ADAMTS17: variants seen among roughly 807,000 people sequenced by gnomAD.
ADAMTS17 encodes the protein A disintegrin and metalloproteinase with thrombospondin motifs 17.
Under a neutral mutation model 141.5 loss-of-function variants are expected in ADAMTS17, and 113 were observed. That is an observed-to-expected ratio of 0.80 (90% CI 0.69 to 0.93). The LOEUF (loss-of-function observed/expected upper bound fraction) is 0.93, where lower values mean the gene tolerates loss of function less well. Ranked by LOEUF, ADAMTS17 falls within the 40% of genes least tolerant of loss-of-function variation. The probability of loss-of-function intolerance (pLI) is 0.00; values close to 1 mark genes in which losing one functional copy is unlikely to be tolerated. For missense variants in ADAMTS17, 1,659 were observed against 1,517.9 expected (o/e 1.09, Z -1.54); for synonymous variants, 768 against 630.6 (o/e 1.22, Z -3.27).
chr15:100,202,612 G>T (rs1160268280), intron 7 of ADAMTS17, among the ~76,000 whole-genome samples: 1 of 152,194 alleles, frequency 6.6e-6, no homozygotes. Context: ...CAGCTTCGCA[G>T]AAAACAAAGC....
At chr15:100,092,153 G>C (rs142603055) in intron 15 of ADAMTS17, among the ~76,000 whole-genome samples, 1 of 152,222 alleles carries the variant, frequency 6.6e-6, no homozygotes, top group Non-Finnish European at 1.5e-5. Flanking sequence ...GTGTGCTTGA[G>C]GGGAAAGAAA....
chr15:100,235,175 C>G (rs2042616844), intron 7 of ADAMTS17, among the ~76,000 whole-genome samples: 1 of 152,088 alleles, frequency 6.6e-6, no homozygotes, highest in African/African-American at 2.4e-5. Context: ...GAGAAATGGC[C>G]TTTATCAGAA....
At position 100,132,121 on chromosome 15, in the gene ADAMTS17, G is replaced by C; in HGVS notation, c.1607C>G (p.Thr536Arg). The change falls in exon 12 of 22, where the codon ACG (threonine) becomes AGG (arginine). Residue 536 changes from threonine (T) to arginine (R), a missense_variant. Thr to Arg is a moderately conservative substitution (Grantham distance 71). Coordinates refer to ENST00000268070, the MANE Select transcript of ADAMTS17 (RefSeq NM_139057.4). ...TCCGTCCACATGCTCCGGGATGGGC[G>C]TCTTGCTCACGCACTCCCCCGCGCG... The part of the protein sequence containing the change: ...WCRAGECVSK[T>R]PIPEHVDGDW... The C allele has an allele frequency of 6.2e-7, 1 of 1,614,062 alleles. No individual in the cohort carries two copies. The highest frequency in any genetic ancestry group is 8.5e-7 in the Non-Finnish European group (1 of 1,180,024).
intron 7 of ADAMTS17, among the ~76,000 whole-genome samples, chr15:100,200,266 G>A (rs1252404814): frequency 6.6e-6 from 1 of 152,204 alleles, no homozygotes; most frequent in Non-Finnish European, 1.5e-5. Flanking sequence ...GCCAGCCACT[G>A]CAGGAGGGGC....
At chr15:100,140,488 C>CATACATATATATATATATATATATAT (rs1386955753) in intron 10 of ADAMTS17, among the ~76,000 whole-genome samples, 17 of 124,982 alleles carry the variant, frequency 1.4e-4, no homozygotes, top group East Asian at 2.4e-4. Context: ...CACATACATA[C>CATACATATATATATATATATATATAT]ATATATATAT....
chr15:100,047,748 C>T (rs1259105941), intron 18 of ADAMTS17, among the ~76,000 whole-genome samples: 5 of 152,158 alleles, frequency 3.3e-5, no homozygotes, highest in African/African-American at 1.2e-4. Flanking sequence ...AGGCTGTAGC[C>T]TGTTAGACTG....
Position 100,174,507 on chromosome 15 carries a change from CTTTGG to C in ADAMTS17, c.1182-19192_1182-19188del, listed in dbSNP as rs1183667159. On this transcript the variant is annotated intron_variant, in intron 8 of 21. Coordinates refer to ENST00000268070, the MANE Select transcript of ADAMTS17 (RefSeq NM_139057.4). ...TTTTGAAATTTCCATGCAGTTTCAT[CTTTGG>C]GAGTATTGTTACTAGTATTTCGTTT... 2.0e-5 allele frequency among the ~76,000 whole-genome samples: 3 copies of C among 152,274 alleles called. No homozygotes were observed. In the East Asian group the frequency reaches 5.8e-4, roughly 29 times the overall value.
At chr15:100,080,951 A>G (rs2034693334) in intron 15 of ADAMTS17, among the ~76,000 whole-genome samples, 1 of 152,166 alleles carries the variant, frequency 6.6e-6, no homozygotes, top group South Asian at 2.1e-4. Flanking sequence ...TATGGGTTCA[A>G]GTTGACTTGG....
At chr15:100,218,597 C>G (rs915454658) in intron 7 of ADAMTS17, among the ~76,000 whole-genome samples, 1 of 152,158 alleles carries the variant, frequency 6.6e-6, no homozygotes, top group African/African-American at 2.4e-5. Flanking sequence ...GCAGAGAAAA[C>G]AGAATCTTCC....
At chr15:100,297,845 GAA>G (rs1319648910) in intron 3 of ADAMTS17, among the ~76,000 whole-genome samples, 1 of 152,180 alleles carries the variant, frequency 6.6e-6, no homozygotes, top group East Asian at 1.9e-4. Flanking sequence ...TGGCTAGATA[GAA>G]GAGATGGAAA....
At position 100,331,814 on chromosome 15, in the gene ADAMTS17, G is replaced by A. The variant is rs544390851; in HGVS notation, c.451-760C>T. Reference sequence around the variant, plus strand: ...ACACCCCTGGTTCTCAAAGCCTAGCGTGTGCCCAAATCACCTGGAGGTCCT... The same window carrying A: ...ACACCCCTGGTTCTCAAAGCCTAGCATGTGCCCAAATCACCTGGAGGTCCT... On this transcript the variant is annotated intron_variant, in intron 2 of 21. Coordinates refer to ENST00000268070, the MANE Select transcript of ADAMTS17 (RefSeq NM_139057.4). Among the ~76,000 whole-genome samples the A allele has an allele frequency of 4.6e-5, 7 of 152,188 alleles. No homozygotes were observed. In the South Asian group the frequency reaches 1.0e-3, roughly 23 times the overall value.
intron 18 of ADAMTS17, among the ~76,000 whole-genome samples, chr15:100,026,239 C>A (rs2061513415): frequency 6.6e-6 from 1 of 152,212 alleles, no homozygotes. Flanking sequence ...TTATTTTCAT[C>A]ATTGTGTCGT....
chr15:100,249,178 T>C (rs185748014), intron 7 of ADAMTS17, among the ~76,000 whole-genome samples: 3 of 152,310 alleles, frequency 2.0e-5, no homozygotes, highest in East Asian at 3.9e-4. Context: ...GTGAGGCCTC[T>C]GCACTGCAGG....
At chr15:100,299,518 A>G (rs75141619) in intron 3 of ADAMTS17, among the ~76,000 whole-genome samples, 2 of 143,564 alleles carry the variant, frequency 1.4e-5, no homozygotes, top group South Asian at 2.2e-4. Flanking sequence ...GAAAAGAAAA[A>G]AAAAAAAAAA....
chr15:100,185,858 C>A (rs1157103962), intron 8 of ADAMTS17, among the ~76,000 whole-genome samples: 2 of 152,218 alleles, frequency 1.3e-5, no homozygotes, highest in Non-Finnish European at 2.9e-5. Context: ...ACGCTGAACA[C>A]AAGCCTCCTG....
At chr15:100,153,149 C>T (rs1051194480) in intron 9 of ADAMTS17, among the ~76,000 whole-genome samples, 7 of 152,206 alleles carry the variant, frequency 4.6e-5, no homozygotes, top group African/African-American at 7.2e-5. Context: ...AGAACAAGTA[C>T]AAGTTAGACT....
intron 14 of ADAMTS17, among the ~76,000 whole-genome samples, chr15:100,105,215 G>T (rs1335855328): frequency 6.6e-6 from 1 of 152,238 alleles, no homozygotes; most frequent in Non-Finnish European, 1.5e-5. Flanking sequence ...CAGCCACCCG[G>T]GAGATGGTGC....
chr15:100,097,425 T>C (rs982187923), intron 14 of ADAMTS17, among the ~76,000 whole-genome samples: 1 of 152,102 alleles, frequency 6.6e-6, no homozygotes, highest in Admixed American at 6.5e-5. Flanking sequence ...TGGAGGTGAG[T>C]TAGCCCCTTC....
intron 7 of ADAMTS17, among the ~76,000 whole-genome samples, chr15:100,215,556 C>T (rs968898750): frequency 1.3e-5 from 2 of 152,090 alleles, no homozygotes; most frequent in Admixed American, 6.5e-5. Flanking sequence ...AGATACCTGC[C>T]CTGGTCACTG....
Sources: allele counts gnomAD v4.1 joint callset (sites outside exome capture counted in the v4.1 genomes callset), GRCh38; gene constraint gnomAD v4.1.1; transcripts MANE v1.5; gene names NCBI Gene and HGNC (gene_info 2026-07-23, HGNC 2026-07-21).